Variants in REDIC1 observed in about 807,000 individuals in gnomAD.
REDIC1 encodes regulator of DNA class I crossover intermediates 1.
At chr12:39,871,430 T>C in the REDIC1 span, among the ~76,000 whole-genome samples, 13 of 152,144 alleles carry the variant, frequency 8.5e-5, no homozygotes, top group South Asian at 2.1e-4. Flanking sequence ...TTTAAAAATA[T>C]ATGTTAAAAA....
the REDIC1 span, among the ~76,000 whole-genome samples, chr12:39,727,564 T>C: frequency 1.3e-5 from 2 of 151,866 alleles, no homozygotes; most frequent in African/African-American, 4.8e-5. Context: ...CCTTGTAGTA[T>C]AGTTTTGTCC....
the REDIC1 span, among the ~76,000 whole-genome samples, chr12:39,722,414 G>A: frequency 6.6e-6 from 1 of 152,070 alleles, no homozygotes; most frequent in Admixed American, 6.6e-5. Flanking sequence ...CAAAAGGCCA[G>A]ATTTTATCCA....
chr12:39,896,083 CATAT>C, the REDIC1 span, among the ~76,000 whole-genome samples: 35 of 145,116 alleles, frequency 2.4e-4, no homozygotes, highest in African/African-American at 7.5e-4. Flanking sequence ...TACACGTGTA[CATAT>C]ATGTATACAC....
At chr12:39,730,967 T>G in the REDIC1 span, among the ~76,000 whole-genome samples, 2 of 152,198 alleles carry the variant, frequency 1.3e-5, no homozygotes, top group Non-Finnish European at 2.9e-5. Flanking sequence ...TTGTGTATGC[T>G]TCACGAAGTT....
At chr12:39,812,835 C>CTT in the REDIC1 span, among the ~76,000 whole-genome samples, 7 of 127,950 alleles carry the variant, frequency 5.5e-5, no homozygotes, top group Admixed American at 7.9e-5. Flanking sequence ...GTAGTATTAC[C>CTT]TTTTTTTTTT....
At chr12:39,860,087 T>C in the REDIC1 span, among the ~76,000 whole-genome samples, 1 of 152,188 alleles carries the variant, frequency 6.6e-6, no homozygotes, top group South Asian at 2.1e-4. Context: ...ATATTAACAA[T>C]AACTCCTAAA....
the REDIC1 span, among the ~76,000 whole-genome samples, chr12:39,655,641 T>C: frequency 6.6e-6 from 1 of 152,226 alleles, no homozygotes; most frequent in Admixed American, 6.5e-5. Flanking sequence ...AGCTGCAGTG[T>C]TGGACTTCCC....
chr12:39,731,192 C>A, the REDIC1 span, among the ~76,000 whole-genome samples: 1 of 152,058 alleles, frequency 6.6e-6, no homozygotes, highest in Non-Finnish European at 1.5e-5. Flanking sequence ...AGTTTTGTTC[C>A]CTTGCTGGGG....
chr12:39,734,993 G>T, the REDIC1 span, among the ~76,000 whole-genome samples: 4 of 152,158 alleles, frequency 2.6e-5, no homozygotes, highest in African/African-American at 4.8e-5. Context: ...TATTTATTCA[G>T]GTTTTCTCTA....
the REDIC1 span, among the ~76,000 whole-genome samples, chr12:39,689,191 G>A: frequency 6.6e-6 from 1 of 152,164 alleles, no homozygotes; most frequent in Non-Finnish European, 1.5e-5. Context: ...TGGCTAGATG[G>A]TAGTGAGGCC....
At chr12:39,631,781 T>C in the REDIC1 span, among the ~76,000 whole-genome samples, 1 of 152,156 alleles carries the variant, frequency 6.6e-6, no homozygotes, top group African/African-American at 2.4e-5. Flanking sequence ...GTTCAACAGT[T>C]TTAAATTTGT....
chr12:39,796,435 A>C, the REDIC1 span, among the ~76,000 whole-genome samples: 1 of 151,814 alleles, frequency 6.6e-6, no homozygotes, highest in Non-Finnish European at 1.5e-5. Flanking sequence ...AAAAAAAAAA[A>C]AAAAAAAACC....
At chr12:39,850,138 G>A in the REDIC1 span, among the ~76,000 whole-genome samples, 1 of 151,904 alleles carries the variant, frequency 6.6e-6, no homozygotes, top group South Asian at 2.1e-4. Context: ...CCTCAGCCTT[G>A]GGAAGCCTTC....
chr12:39,646,255 A>T, the REDIC1 span: 34 of 434,566 alleles, frequency 7.8e-5, no homozygotes, highest in African/African-American at 7.7e-4. Flanking sequence ...TGTAATGAAC[A>T]TGATTTATTA....
the REDIC1 span, among the ~76,000 whole-genome samples, chr12:39,767,925 C>T: frequency 6.6e-6 from 1 of 152,084 alleles, no homozygotes; most frequent in Non-Finnish European, 1.5e-5. Flanking sequence ...GAGGCTTCCC[C>T]AGCCCTGCAG....
the REDIC1 span, among the ~76,000 whole-genome samples, chr12:39,723,478 A>G: frequency 6.6e-6 from 1 of 151,798 alleles, no homozygotes; most frequent in Non-Finnish European, 1.5e-5. Flanking sequence ...TAATTATAAC[A>G]TACTTCTCAA....
chr12:39,778,876 C>T, the REDIC1 span, among the ~76,000 whole-genome samples: 1 of 152,166 alleles, frequency 6.6e-6, no homozygotes, highest in Non-Finnish European at 1.5e-5. Flanking sequence ...GTTGGCAGGG[C>T]TTCCAGGAAA....
the REDIC1 span, chr12:39,864,639 C>G: frequency 7.5e-7 from 1 of 1,326,980 alleles, no homozygotes; most frequent in East Asian, 2.5e-5. Context: ...ATTTTCTTCC[C>G]TTCTTACATA....
At chr12:39,633,538 A>G in the REDIC1 span, among the ~76,000 whole-genome samples, 1 of 152,248 alleles carries the variant, frequency 6.6e-6, no homozygotes, top group African/African-American at 2.4e-5. Context: ...TAATAAATAC[A>G]TAAACCAGTA....
Sources: gnomAD v4.1 joint callset for allele counts (sites outside exome capture counted in the v4.1 genomes callset) on GRCh38, gnomAD v4.1.1 for gene constraint, MANE v1.5 for transcripts, NCBI Gene and HGNC (gene_info 2026-07-23, HGNC 2026-07-21) for gene names.